TCF12: variants seen among roughly 807,000 people sequenced by gnomAD.
TCF12 encodes the protein DNA-binding protein HTF4.
A neutral mutation model predicts 86.0 loss-of-function variants in TCF12; 45 were observed. The ratio of observed to expected loss-of-function variants is 0.52; its 90% CI spans 0.41 to 0.67. The LOEUF (loss-of-function observed/expected upper bound fraction) is 0.67, where lower values mean the gene tolerates loss of function less well. Ranked by LOEUF, TCF12 falls within the 30% of genes least tolerant of loss-of-function variation. TCF12 has a pLI of 0.00. For synonymous variants in TCF12, 330 were observed against 299.6 expected (o/e 1.10, Z -1.05); for missense variants, 881 against 859.9 (o/e 1.02, Z -0.31).
At chr15:57,266,776 C>A (rs1251406176) in intron 18 of TCF12, among the ~76,000 whole-genome samples, 9 of 152,156 alleles carry the variant, frequency 5.9e-5, no homozygotes, top group Admixed American at 5.9e-4. Flanking sequence ...GTGGCTCATG[C>A]CTGTAATCCC....
intron 5 of TCF12, among the ~76,000 whole-genome samples, chr15:57,109,915 G>A (rs1038442223): frequency 5.9e-5 from 9 of 152,296 alleles, no homozygotes; most frequent in African/African-American, 1.9e-4. Context: ...ACAAATTAAA[G>A]CGGTTAGAAT....
intron 6 of TCF12, among the ~76,000 whole-genome samples, chr15:57,177,265 ATTTT>A (rs3985739): frequency 1.1e-4 from 12 of 112,664 alleles, no homozygotes; most frequent in South Asian, 3.1e-4. Flanking sequence ...GCAATAGACA[ATTTT>A]TTTTTTTTTT....
chr15:56,984,450 G>A (rs1408555359), intron 3 of TCF12, among the ~76,000 whole-genome samples: 2 of 152,084 alleles, frequency 1.3e-5, no homozygotes, highest in African/African-American at 2.4e-5. Flanking sequence ...TGTTTAGCAC[G>A]TAAGCTGATC....
At chr15:57,117,939 G>A (rs759347911) in intron 5 of TCF12, among the ~76,000 whole-genome samples, 25 of 151,996 alleles carry the variant, frequency 1.6e-4, no homozygotes, top group Non-Finnish European at 2.1e-4. Flanking sequence ...GGGGGGGGAA[G>A]GCATATTAAA....
In TCF12 at chr15:57,270,828, T is replaced by C. The variant is rs567504011; in HGVS notation, c.1746-2202T>C. ...CCTTCTAACAGACCGGCCCCTCAGC[T>C]GCACATCTGTTGGAGTTTGCTGGAG... On this transcript the variant is annotated intron_variant, in intron 18 of 20. Coordinates refer to ENST00000333725, the MANE Select transcript of TCF12 (RefSeq NM_207037.2). Among the ~76,000 whole-genome samples, 7 of 152,352 alleles carry C rather than the reference T, an allele frequency of 4.6e-5. No homozygotes were observed. In the East Asian group the frequency reaches 1.2e-3, roughly 25 times the overall value.
At chr15:57,019,594 G>A (rs1215552781) in intron 3 of TCF12, among the ~76,000 whole-genome samples, 1 of 152,168 alleles carries the variant, frequency 6.6e-6, no homozygotes, top group Non-Finnish European at 1.5e-5. Flanking sequence ...CGGTCTTCAT[G>A]TGCTGAGTCC....
At chr15:57,052,601 C>T (rs771925106) in intron 3 of TCF12, among the ~76,000 whole-genome samples, 1 of 148,350 alleles carries the variant, frequency 6.7e-6, no homozygotes, top group Non-Finnish European at 1.5e-5. Flanking sequence ...TGCACCATTG[C>T]ACTCCAGCCT....
chr15:56,941,300 A>C (rs190039), intron 3 of TCF12, among the ~76,000 whole-genome samples: 1 of 151,800 alleles, frequency 6.6e-6, no homozygotes, highest in Non-Finnish European at 1.5e-5. Context: ...CAGGAAAATC[A>C]AGGCTGCAGC....
intron 3 of TCF12, among the ~76,000 whole-genome samples, chr15:56,960,971 C>G (rs1402081369): frequency 3.3e-5 from 5 of 151,784 alleles, no homozygotes; most frequent in Admixed American, 3.3e-4. Flanking sequence ...GAAACCCTGT[C>G]TCTACTACAG....
intron 4 of TCF12, among the ~76,000 whole-genome samples, chr15:57,089,491 C>CTA (rs1255078984): frequency 6.6e-6 from 1 of 151,504 alleles, no homozygotes; most frequent in Non-Finnish European, 1.5e-5. Flanking sequence ...GTAATCTAAT[C>CTA]TATAAAGTTA....
chr15:56,974,692 TAAG>T (rs2062513225), intron 3 of TCF12, among the ~76,000 whole-genome samples: 1 of 151,988 alleles, frequency 6.6e-6, no homozygotes, highest in Non-Finnish European at 1.5e-5. Context: ...AGGAGGAAAA[TAAG>T]AAACAAATGG....
chr15:57,222,742 G>A (rs944293220), intron 8 of TCF12, among the ~76,000 whole-genome samples: 1 of 131,268 alleles, frequency 7.6e-6, no homozygotes, highest in African/African-American at 2.7e-5. Flanking sequence ...AGTTTTGGGG[G>A]AAAAAAAGGA....
intron 5 of TCF12, among the ~76,000 whole-genome samples, chr15:57,107,226 G>A (rs1451310471): frequency 1.3e-5 from 2 of 152,110 alleles, no homozygotes; most frequent in Non-Finnish European, 2.9e-5. Flanking sequence ...ATATTATTCA[G>A]TGCTAAAAAG....
intron 3 of TCF12, among the ~76,000 whole-genome samples, chr15:57,009,211 C>T (rs2064669502): frequency 6.6e-6 from 1 of 152,130 alleles, no homozygotes; most frequent in Admixed American, 6.5e-5. Context: ...AGGGCTCAAG[C>T]AGTCCTCCCA....
At chr15:57,285,494 T>G (rs2061893445) in intron 20 of TCF12, among the ~76,000 whole-genome samples, 1 of 152,208 alleles carries the variant, frequency 6.6e-6, no homozygotes, top group Non-Finnish European at 1.5e-5. Context: ...GACCAGGAAC[T>G]GGGACCAATA....
chr15:57,008,372 A>AC (rs2064603966), intron 3 of TCF12, among the ~76,000 whole-genome samples: 2 of 41,986 alleles, frequency 4.8e-5, no homozygotes, highest in Non-Finnish European at 1.0e-4. Context: ...ATGTAAAAAT[A>AC]CCCTTTTTTT....
intron 8 of TCF12, among the ~76,000 whole-genome samples, chr15:57,223,767 G>A (rs930743876): frequency 1.4e-5 from 2 of 147,578 alleles, no homozygotes; most frequent in Admixed American, 7.0e-5. Flanking sequence ...AACAGAAACC[G>A]ATGTGACTGT....
At chr15:57,029,278 A>C (rs1391407448) in intron 3 of TCF12, among the ~76,000 whole-genome samples, 1 of 151,844 alleles carries the variant, frequency 6.6e-6, no homozygotes, top group Non-Finnish European at 1.5e-5. Flanking sequence ...TCATTTGACC[A>C]CATGTATTTG....
At chr15:57,028,165 G>A (rs868633449) in intron 3 of TCF12, among the ~76,000 whole-genome samples, 17 of 151,988 alleles carry the variant, frequency 1.1e-4, no homozygotes, top group African/African-American at 3.4e-4. Context: ...ACGGGGTTTC[G>A]CCATGTTGGG....
Sources: allele counts gnomAD v4.1 joint callset (sites outside exome capture counted in the v4.1 genomes callset), GRCh38; gene constraint gnomAD v4.1.1; transcripts MANE v1.5; gene names NCBI Gene and HGNC (gene_info 2026-07-23, HGNC 2026-07-21).